Variants in EHHADH observed in about 807,000 individuals in gnomAD.
EHHADH encodes peroxisomal bifunctional enzyme.
In EHHADH, 48 loss-of-function variants were observed where a neutral mutation model predicts 64.4. That is an observed-to-expected ratio of 0.75 (90% CI 0.59 to 0.95). EHHADH has a LOEUF of 0.95. EHHADH is among the 40% of genes least tolerant of loss of function. The pLI, the probability that EHHADH is intolerant of heterozygous loss-of-function variation, is 0.00. For missense variants in EHHADH, 854 were observed against 876.6 expected (o/e 0.97, Z 0.33); for synonymous variants, 308 against 326.7 (o/e 0.94, Z 0.62).
chr3:185,214,707 G>A (rs541741431), intron 5 of EHHADH, among the ~76,000 whole-genome samples: 1 of 152,170 alleles, frequency 6.6e-6, no homozygotes, highest in South Asian at 2.1e-4. Flanking sequence ...AATACTATAT[G>A]TAAGCAATTT....
chr3:185,218,912 A>G (rs1718764518), intron 4 of EHHADH, among the ~76,000 whole-genome samples: 1 of 152,114 alleles, frequency 6.6e-6, no homozygotes, highest in Non-Finnish European at 1.5e-5. Flanking sequence ...AATCCCAGCT[A>G]CTCAGGAGGC....
At chr3:185,229,377 C>G in intron 4 of EHHADH, 55 bp downstream of exon 4, 1 of 1,171,470 alleles carries the variant, frequency 8.5e-7, no homozygotes, top group East Asian at 2.9e-5. Flanking sequence ...TTTTCTAAAT[C>G]CTAGTCCAAT....
intron 4 of EHHADH, among the ~76,000 whole-genome samples, chr3:185,223,858 G>A (rs563797969): frequency 6.6e-6 from 1 of 152,194 alleles, no homozygotes; most frequent in Admixed American, 6.5e-5. Flanking sequence ...AGAGGAGCAG[G>A]ACACTGTAGT....
chr3:185,241,379 T>C (rs187471446), intron 2 of EHHADH, among the ~76,000 whole-genome samples: 6 of 152,352 alleles, frequency 3.9e-5, no homozygotes, highest in African/African-American at 1.4e-4. Flanking sequence ...ATCTCCACAC[T>C]GTTTTCCATA....
At chr3:185,243,299 T>C (rs1435858364) in intron 2 of EHHADH, among the ~76,000 whole-genome samples, 1 of 152,210 alleles carries the variant, frequency 6.6e-6, no homozygotes, top group Non-Finnish European at 1.5e-5. Context: ...CCAGTAGTCA[T>C]TCTGGAGCTA....
rs561454198 is a variant in EHHADH at position 185,229,416 on chromosome 3, C to T, written c.463+16G>A. 135 of 1,381,146 alleles carry T rather than the reference C, an allele frequency of 9.8e-5. 1 individual carries two copies. The highest frequency in any genetic ancestry group is 3.9e-4 in the Middle Eastern group (2 of 5,162). 85.6% of individuals were successfully genotyped at this position (1,381,146 alleles called of 1,614,324 possible). On this transcript the variant is annotated intron_variant, in intron 4 of 6. Coordinates refer to ENST00000231887, the MANE Select transcript of EHHADH (RefSeq NM_001966.4). ...TCACACTAATCTAGACAGTTGTTGC[C>T]AAGGTCTATACTGACCTGAGGTAAT...
chr3:185,250,124 T>G (rs1047259866), intron 1 of EHHADH, among the ~76,000 whole-genome samples: 2 of 152,248 alleles, frequency 1.3e-5, no homozygotes, highest in Admixed American at 1.3e-4. Context: ...TAGCTTTTTA[T>G]TGTCTAATTC....
At chr3:185,195,548 G>T (rs989237072) in intron 6 of EHHADH, among the ~76,000 whole-genome samples, 6 of 152,146 alleles carry the variant, frequency 3.9e-5, no homozygotes, top group African/African-American at 1.4e-4. Context: ...CATAAAGCTT[G>T]TACATGAATG....
chr3:185,201,612 G>T (rs934239553), intron 6 of EHHADH, among the ~76,000 whole-genome samples: 1 of 152,192 alleles, frequency 6.6e-6, no homozygotes, highest in South Asian at 2.1e-4. Context: ...AAGATGAAAC[G>T]CATGGCAGTG....
chr3:185,235,165 G>A lies in EHHADH; in HGVS notation c.351+125C>T, dbSNP rs192046356. On this transcript the variant is annotated intron_variant, in intron 3 of 6. Coordinates refer to ENST00000231887, the MANE Select transcript of EHHADH (RefSeq NM_001966.4). ...ACTGCACTCCAGCCTGGAAGACAGAGTGAGACTCCATCTCAAAAAAACAAA... is the reference window on the plus strand; with the variant it reads ...ACTGCACTCCAGCCTGGAAGACAGAATGAGACTCCATCTCAAAAAAACAAA... The A allele has an allele frequency of 4.5e-4, 421 of 935,256 alleles. 8 individuals are homozygous for A. In the East Asian group the frequency reaches 0.011, roughly 25 times the overall value. The allele number at this position is 935,256 out of a possible 1,614,324, so 57.9% of individuals were successfully genotyped here.
In EHHADH at chr3:185,253,865, G is replaced by T. The variant is rs1719820100; in HGVS notation, c.74+84C>A. ...TTGAGTGTCCTTCTCGGTTTAAACC[G>T]ACGGGGGAGAGTCAAAGCCTCCGGA... is the stretch of plus-strand genomic sequence containing the variant. On this transcript the variant is annotated intron_variant, in intron 1 of 6. Coordinates refer to ENST00000231887, the MANE Select transcript of EHHADH (RefSeq NM_001966.4). The T allele has an allele frequency of 1.4e-5, 22 of 1,571,174 alleles. No individual in the cohort carries two copies. The South Asian group carries it at 2.5e-4, about 18-fold the overall frequency.
intron 4 of EHHADH, among the ~76,000 whole-genome samples, chr3:185,220,964 T>C (rs1350400769): frequency 6.6e-6 from 1 of 152,256 alleles, no homozygotes; most frequent in Non-Finnish European, 1.5e-5. Context: ...TTTCTTCTAA[T>C]TCACTATGAC....
Position 185,229,475 on chromosome 3 carries a change from G to A in EHHADH, c.420C>T (p.Pro140=), listed in dbSNP as rs1719095736. The change falls in exon 4 of 7, where the codon CCC becomes CCT. Residue 140 remains proline (P), a synonymous_variant. Coordinates refer to ENST00000231887, the MANE Select transcript of EHHADH (RefSeq NM_001966.4). ...LPGARGTQLL[P]RLTGVPAALD... ...GTGCAGCAGGAACTCCAGTGAGTCTGGGGAGAAGCTGGGTTCCTCTTGCAC... is the reference window on the plus strand; with the variant it reads ...GTGCAGCAGGAACTCCAGTGAGTCTAGGGAGAAGCTGGGTTCCTCTTGCAC... 1 of 1,577,676 alleles carries A rather than the reference G, an allele frequency of 6.3e-7. No individual in the cohort carries two copies. Among genetic ancestry groups the A allele is most frequent in the African/African-American group, 1.3e-5 (1 of 74,498 alleles).
In EHHADH at chr3:185,253,770, A is replaced by G. The variant is rs1439834772; in HGVS notation, c.74+179T>C. 4.3e-5 allele frequency: 58 copies of G among 1,346,854 alleles called. 1 individual carries two copies. The highest frequency in any genetic ancestry group is 5.8e-6 in the Non-Finnish European group (6 of 1,039,660). The allele number at this position is 1,346,854 out of a possible 1,614,324, so 83.4% of individuals were successfully genotyped here. A position where few individuals can be genotyped will look rare whatever the true frequency, so the allele number is the denominator to read the frequency against. Reference sequence around the variant, plus strand: ...CCAAGCTAATCTAGGTTAAAAAAAAAAAAAAAGAAAAGAAAAAGAAAGAAA... The same window carrying G: ...CCAAGCTAATCTAGGTTAAAAAAAAGAAAAAAGAAAAGAAAAAGAAAGAAA... On this transcript the variant is annotated intron_variant, in intron 1 of 6. Transcript: ENST00000231887.
intron 1 of EHHADH, 126 bp downstream of exon 1, chr3:185,253,823 T>TAAG (rs1719819089): frequency 7.1e-7 from 1 of 1,417,660 alleles, no homozygotes; most frequent in Admixed American, 3.0e-5. Flanking sequence ...TCCTGGCATG[T>TAAG]ACCAGTTGCT....
chr3:185,252,533 G>C (rs1251596283), intron 1 of EHHADH, among the ~76,000 whole-genome samples: 1 of 151,392 alleles, frequency 6.6e-6, no homozygotes, highest in Non-Finnish European at 1.5e-5. Context: ...TCAGTATATA[G>C]ACCAGTCCAA....
chr3:185,244,441 A>G (rs532299893), intron 2 of EHHADH, among the ~76,000 whole-genome samples: 1 of 152,316 alleles, frequency 6.6e-6, no homozygotes, highest in East Asian at 1.9e-4. Flanking sequence ...CTACATTTAT[A>G]AATGAAATTA....
intron 5 of EHHADH, among the ~76,000 whole-genome samples, chr3:185,204,986 T>C (rs999523123): frequency 5.9e-5 from 9 of 152,048 alleles, no homozygotes; most frequent in African/African-American, 1.9e-4. Context: ...GGTTACCTAG[T>C]TTAGGCATAA....
chr3:185,192,449 T>C lies in EHHADH; in HGVS notation c.1949A>G (p.Tyr650Cys). The C allele has an allele frequency of 2.5e-6, 4 of 1,614,228 alleles. No homozygotes were observed. Among genetic ancestry groups the C allele is most frequent in the Non-Finnish European group, 3.4e-6 (4 of 1,180,050 alleles). ...CCTTGGCCATCCATATCCATGTAAA[T>C]AGACAACATCAATGTGCTCTGGGCT... ...AASPEHIDVV[Y>C]LHGYGWPRHK... Residue 650 changes from tyrosine (Y) to cysteine (C), a missense_variant, in exon 7 of 7, where the codon TAT becomes TGT. Coordinates refer to ENST00000231887, the MANE Select transcript of EHHADH (RefSeq NM_001966.4).
Sources: gnomAD v4.1 joint callset for allele counts (sites outside exome capture counted in the v4.1 genomes callset) on GRCh38, gnomAD v4.1.1 for gene constraint, MANE v1.5 for transcripts, NCBI Gene and HGNC (gene_info 2026-07-23, HGNC 2026-07-21) for gene names.